Variants in RORA observed in about 807,000 individuals in gnomAD.
RORA encodes the protein nuclear receptor ROR-alpha.
A neutral mutation model predicts 69.5 loss-of-function variants in RORA; 7 were observed. That is an observed-to-expected ratio of 0.10 (90% CI 0.06 to 0.19). The LOEUF is 0.19. Among genes scored for constraint, RORA ranks in the 10% least tolerant of loss-of-function variants. The probability of loss-of-function intolerance (pLI) is 1.00; values close to 1 mark genes in which losing one functional copy is unlikely to be tolerated. For synonymous variants in RORA, 261 were observed against 240.8 expected (o/e 1.08, Z -0.78); for missense variants, 457 against 663.0 (o/e 0.69, Z 3.41).
intron 1 of RORA, among the ~76,000 whole-genome samples, chr15:60,946,703 T>C (rs1208225986): frequency 6.6e-6 from 1 of 152,040 alleles, no homozygotes; most frequent in African/African-American, 2.4e-5. Context: ...GTCTGGGAAG[T>C]GAGGAGCGTC....
chr15:61,098,608 G>C (rs1359065660), intron 1 of RORA, among the ~76,000 whole-genome samples: 1 of 152,120 alleles, frequency 6.6e-6, no homozygotes, highest in Non-Finnish European at 1.5e-5. Flanking sequence ...CTCCTCAAAT[G>C]CTAGGGTTAA....
chr15:60,728,517 C>A (rs1479526179), intron 1 of RORA, among the ~76,000 whole-genome samples: 1 of 152,164 alleles, frequency 6.6e-6, no homozygotes. Flanking sequence ...AATATCCCTA[C>A]TAAGTAAATC....
At chr15:60,637,572 C>A (rs1219741061) in intron 2 of RORA, among the ~76,000 whole-genome samples, 1 of 151,824 alleles carries the variant, frequency 6.6e-6, no homozygotes, top group Admixed American at 6.6e-5. Context: ...AAAAATATTT[C>A]TTGAATTTAT....
chr15:60,861,684 T>G (rs368796343), intron 1 of RORA, among the ~76,000 whole-genome samples: 2 of 152,152 alleles, frequency 1.3e-5, no homozygotes, highest in Non-Finnish European at 2.9e-5. Flanking sequence ...TAATAAATAC[T>G]CTTTAAAAAT....
At chr15:61,223,900 A>G (rs1232267174) in intron 1 of RORA, among the ~76,000 whole-genome samples, 1 of 152,114 alleles carries the variant, frequency 6.6e-6, no homozygotes, top group Non-Finnish European at 1.5e-5. Context: ...TTTTTAAAGC[A>G]TTAATTTTAA....
intron 1 of RORA, among the ~76,000 whole-genome samples, chr15:60,972,731 A>G (rs1164676811): frequency 1.3e-5 from 2 of 152,128 alleles, no homozygotes; most frequent in East Asian, 1.9e-4. Flanking sequence ...TTCATCATCT[A>G]TCAAATGGAA....
At chr15:60,693,759 G>A (rs562405416) in intron 1 of RORA, among the ~76,000 whole-genome samples, 101 of 152,230 alleles carry the variant, frequency 6.6e-4, no homozygotes, top group Non-Finnish European at 1.1e-3. Context: ...CCTCTTCAAG[G>A]AGAACTACAA....
chr15:60,668,200 G>T (rs12437754), intron 2 of RORA, among the ~76,000 whole-genome samples: 2 of 152,072 alleles, frequency 1.3e-5, no homozygotes, highest in East Asian at 3.9e-4. Context: ...TCCTGAGCCC[G>T]AATGACAAGT....
chr15:61,086,354 G>C (rs57581006), intron 1 of RORA, among the ~76,000 whole-genome samples: 3 of 152,190 alleles, frequency 2.0e-5, no homozygotes, highest in African/African-American at 7.2e-5. Context: ...TATTTTGACC[G>C]ATCTGAAATT....
chr15:60,989,179 C>T (rs1013767833), intron 1 of RORA, among the ~76,000 whole-genome samples: 5 of 152,296 alleles, frequency 3.3e-5, no homozygotes, highest in Non-Finnish European at 5.9e-5. Context: ...ACAGTCTCAT[C>T]GCCCCTGAAA....
rs1255915829 is a variant in RORA, at chr15:60,537,757, T to G, written c.197-5906A>C. Among the ~76,000 whole-genome samples, 1 of 152,228 alleles carries G rather than the reference T, an allele frequency of 6.6e-6. No homozygotes were observed. Among genetic ancestry groups the G allele is most frequent in the Non-Finnish European group, 1.5e-5 (1 of 68,042 alleles). ...CATTTTAAATATAACACTAATATGT[T>G]TCCCTAGTACATTATTTTCTTCTCT... is the stretch of plus-strand genomic sequence containing the variant. On this transcript the variant is annotated intron_variant, in intron 2 of 10. Coordinates refer to ENST00000335670, the MANE Select transcript of RORA (RefSeq NM_134261.3). This position sits in a 1 kb window ranked among gnomAD's most constrained non-coding sequence, Gnocchi z 4.9.
chr15:60,515,683 T>C (rs1361596306), intron 3 of RORA, among the ~76,000 whole-genome samples: 1 of 150,304 alleles, frequency 6.7e-6, no homozygotes, highest in Non-Finnish European at 1.5e-5. Context: ...TTTCAATAGA[T>C]TTCTTCTTCA....
At chr15:61,096,508 T>C (rs1241346701) in intron 1 of RORA, among the ~76,000 whole-genome samples, 2 of 152,210 alleles carry the variant, frequency 1.3e-5, no homozygotes, top group Non-Finnish European at 1.5e-5. Flanking sequence ...TTTAATACCA[T>C]AAATCTTTAT....
chr15:60,976,150 G>A (rs947728163), intron 1 of RORA, among the ~76,000 whole-genome samples: 8 of 152,186 alleles, frequency 5.3e-5, no homozygotes, highest in East Asian at 3.9e-4. Flanking sequence ...TTGCTGAGCC[G>A]TGGCTCGGAG....
At chr15:60,870,179 T>C (rs1300441006) in intron 1 of RORA, among the ~76,000 whole-genome samples, 2 of 152,140 alleles carry the variant, frequency 1.3e-5, no homozygotes, top group African/African-American at 4.8e-5. Flanking sequence ...AGAAACCAGG[T>C]GCTATTTATT....
At chr15:60,657,535 T>C (rs77098015) in intron 2 of RORA, among the ~76,000 whole-genome samples, 1 of 152,314 alleles carries the variant, frequency 6.6e-6, no homozygotes, top group East Asian at 1.9e-4. Flanking sequence ...TGAACTTCCC[T>C]GTGTAGACAA....
intron 1 of RORA, among the ~76,000 whole-genome samples, chr15:60,853,423 G>A (rs2073346835): frequency 6.6e-6 from 1 of 152,280 alleles, no homozygotes; most frequent in South Asian, 2.1e-4. Context: ...CTCTCTTGTC[G>A]GTTCCATGAA....
At chr15:61,110,587 G>A (rs1350072446) in intron 1 of RORA, among the ~76,000 whole-genome samples, 1 of 152,104 alleles carries the variant, frequency 6.6e-6, no homozygotes, top group Non-Finnish European at 1.5e-5. Context: ...ATTCCAGAAG[G>A]AGGCATTGCT....
At chr15:61,086,560 C>T (rs1320129612) in intron 1 of RORA, among the ~76,000 whole-genome samples, 1 of 152,094 alleles carries the variant, frequency 6.6e-6, no homozygotes, top group Non-Finnish European at 1.5e-5. Context: ...AGAACCACTG[C>T]ACAGGGACAA....
Sources: allele counts gnomAD v4.1 joint callset (sites outside exome capture counted in the v4.1 genomes callset), GRCh38; gene constraint gnomAD v4.1.1; non-coding constraint Gnocchi (gnomAD v3.1); transcripts MANE v1.5; gene names NCBI Gene and HGNC (gene_info 2026-07-23, HGNC 2026-07-21).